The following OXSR1 variants were observed in gnomAD, a reference collection of about 807,000 sequenced individuals.
The protein encoded by OXSR1 is oxidative stress responsive kinase 1.
A neutral mutation model predicts 79.8 loss-of-function variants in OXSR1; 24 were observed. The ratio of observed to expected loss-of-function variants is 0.30; its 90% CI spans 0.22 to 0.42. The LOEUF is 0.42. Ranked by LOEUF, OXSR1 falls within the 10% of genes least tolerant of loss-of-function variation. The pLI is 1.00. For synonymous variants in OXSR1, 226 were observed against 209.2 expected (o/e 1.08, Z -0.69); for missense variants, 430 against 618.4 (o/e 0.70, Z 3.23).
intron 4 of OXSR1, among the ~76,000 whole-genome samples, chr3:38,205,320 G>A (rs942290589): frequency 3.9e-5 from 6 of 152,354 alleles, no homozygotes; most frequent in African/African-American, 1.4e-4. Context: ...TGGTGTTTCT[G>A]TGGGGAAGAT....
At chr3:38,206,316 A>G (rs1471852873) in intron 4 of OXSR1, among the ~76,000 whole-genome samples, 3 of 152,188 alleles carry the variant, frequency 2.0e-5, no homozygotes, top group Admixed American at 6.5e-5. Context: ...TAACAATGAC[A>G]TTATGTCAAG....
chr3:38,194,950 C>A (rs896481880), intron 3 of OXSR1, among the ~76,000 whole-genome samples: 3 of 152,112 alleles, frequency 2.0e-5, no homozygotes, highest in African/African-American at 7.2e-5. Context: ...GTCACTCTTA[C>A]CCCACCAACC....
intron 2 of OXSR1, 56 bp downstream of exon 2, chr3:38,183,171 A>G (rs1701818481): frequency 1.3e-6 from 1 of 795,892 alleles, no homozygotes; most frequent in Non-Finnish European, 1.9e-6. Flanking sequence ...TTCACATTAC[A>G]ATGGGAAATA....
intron 1 of OXSR1, among the ~76,000 whole-genome samples, chr3:38,172,319 G>A (rs1000376905): frequency 1.1e-4 from 17 of 152,002 alleles, no homozygotes; most frequent in Non-Finnish European, 2.1e-4. Flanking sequence ...GTTGGACATC[G>A]TAGTATAACT....
chr3:38,251,630 CA>C (rs1234686416), intron 16 of OXSR1, among the ~76,000 whole-genome samples, 159 bp downstream of exon 16: 1 of 152,154 alleles, frequency 6.6e-6, no homozygotes, highest in Non-Finnish European at 1.5e-5. Context: ...TCCTTACACA[CA>C]CACAAAATTT....
chr3:38,208,988 G>A (rs1281163914), intron 4 of OXSR1, among the ~76,000 whole-genome samples: 10 of 117,422 alleles, frequency 8.5e-5, no homozygotes, highest in East Asian at 6.7e-4. Flanking sequence ...GTGTGTGTGC[G>A]CGCGCGCGTG....
At chr3:38,202,290 G>A (rs1702179136) in intron 4 of OXSR1, among the ~76,000 whole-genome samples, 1 of 152,152 alleles carries the variant, frequency 6.6e-6, no homozygotes, top group Admixed American at 6.6e-5. Context: ...CTTGGGATAA[G>A]GCAAGATGAC....
intron 2 of OXSR1, among the ~76,000 whole-genome samples, chr3:38,183,873 GTT>G (rs1055491611): frequency 6.6e-6 from 1 of 152,110 alleles, no homozygotes; most frequent in Admixed American, 6.5e-5. Context: ...AGGGAAATTA[GTT>G]TTTAAAATTA....
At chr3:38,220,643 G>A (rs1702570619) in intron 5 of OXSR1, among the ~76,000 whole-genome samples, 1 of 152,182 alleles carries the variant, frequency 6.6e-6, no homozygotes, top group South Asian at 2.1e-4. Flanking sequence ...GCCTCAGAAT[G>A]GGCAGGAACC....
chr3:38,220,208 G>A (rs1431313246), intron 5 of OXSR1, among the ~76,000 whole-genome samples: 1 of 151,924 alleles, frequency 6.6e-6, no homozygotes, highest in South Asian at 2.1e-4. Context: ...AAACTGTACT[G>A]TATAGACAAG....
At chr3:38,188,803 C>T (rs1701932204) in intron 2 of OXSR1, among the ~76,000 whole-genome samples, 2 of 152,080 alleles carry the variant, frequency 1.3e-5, no homozygotes. Context: ...CATGTTATGA[C>T]TCCTATTTTT....
chr3:38,174,258 G>A (rs1052440383), intron 1 of OXSR1, among the ~76,000 whole-genome samples: 9 of 152,172 alleles, frequency 5.9e-5, no homozygotes, highest in African/African-American at 2.2e-4. Context: ...GTTTTGAACA[G>A]AGATTTAACG....
chr3:38,174,390 T>C (rs1280892402), intron 1 of OXSR1, among the ~76,000 whole-genome samples: 1 of 152,182 alleles, frequency 6.6e-6, no homozygotes, highest in Non-Finnish European at 1.5e-5. Context: ...GAGACCAGCC[T>C]GGCCAACACG....
Position 38,222,776 on chromosome 3 carries a change from A to C in OXSR1, c.601-1036A>C, listed in dbSNP as rs559896772. Among the ~76,000 whole-genome samples the C allele has an allele frequency of 2.7e-4, 41 of 152,314 alleles. No homozygotes were observed. The Middle Eastern group carries it at 0.014, about 51-fold the overall frequency. ...ATAGAAATTAAGGTGATAATACCAT[A>C]ATACAGATCCTTTGGAAAACAAAAA... On this transcript the variant is annotated intron_variant, in intron 6 of 17. Transcript: ENST00000311806.
chr3:38,215,087 A>G (rs1402362111), intron 4 of OXSR1, among the ~76,000 whole-genome samples: 1 of 152,184 alleles, frequency 6.6e-6, no homozygotes, highest in East Asian at 1.9e-4. Context: ...CTTCAATTCC[A>G]TTAATCTCCA....
intron 1 of OXSR1, among the ~76,000 whole-genome samples, chr3:38,181,034 C>G (rs1402452626): frequency 6.6e-6 from 1 of 152,018 alleles, no homozygotes; most frequent in East Asian, 1.9e-4. Flanking sequence ...TTAAGATGTA[C>G]ATTTTTGGGA....
At chr3:38,179,174 A>G (rs962986700) in intron 1 of OXSR1, among the ~76,000 whole-genome samples, 1 of 151,604 alleles carries the variant, frequency 6.6e-6, no homozygotes, top group Non-Finnish European at 1.5e-5. Flanking sequence ...GGGACTACAC[A>G]TGTGTGCCAT....
chr3:38,246,121 A>G lies in OXSR1; in HGVS notation c.1157A>G (p.Glu386Gly), dbSNP rs1559528644. Residue 386 changes from glutamate (E) to glycine (G), a missense_variant, in exon 13 of 18, where the codon GAA (glutamate) becomes GGA (glycine). By Grantham distance (98) the Glu-to-Gly change is moderately conservative. Transcript: ENST00000311806. Reference protein sequence around the residue: ...DPVGTLLQVPEQISAHLPQPA... With the variant: ...DPVGTLLQVPGQISAHLPQPA... ...GTGGGTACTTTGCTCCAAGTTCCAG[A>G]ACAGATCTCTGCTCATCTACCTCAG... The G allele has an allele frequency of 6.2e-7, 1 of 1,613,856 alleles. No homozygotes were observed. Among genetic ancestry groups the G allele is most frequent in the Non-Finnish European group, 8.5e-7 (1 of 1,179,794 alleles).
Position 38,252,931 on chromosome 3 carries a change from CAT to C in OXSR1, c.*41_*42del. The C allele has an allele frequency of 6.7e-7, 1 of 1,489,328 alleles. No individual in the cohort carries two copies. Among genetic ancestry groups the C allele is most frequent in the East Asian group, 2.3e-5 (1 of 44,240 alleles). The allele number at this position is 1,489,328 out of a possible 1,614,324, so 92.3% of individuals were successfully genotyped here. A position where few individuals can be genotyped will look rare whatever the true frequency, so the allele number is the denominator to read the frequency against. On this transcript the variant is annotated 3_prime_UTR_variant, in exon 18 of 18. Transcript: ENST00000311806. Reference sequence around the variant, plus strand: ...AGAGGCGGCCTAAGGAGATTCCACACATGCGTATCTCTGTTGCTTCTATTGGC... The same window carrying C: ...AGAGGCGGCCTAAGGAGATTCCACACGCGTATCTCTGTTGCTTCTATTGGC...
Sources: gnomAD v4.1 joint callset for allele counts (sites outside exome capture counted in the v4.1 genomes callset) on GRCh38, gnomAD v4.1.1 for gene constraint, MANE v1.5 for transcripts, NCBI Gene and HGNC (gene_info 2026-07-23, HGNC 2026-07-21) for gene names.